LIN54: variants seen among roughly 807,000 people sequenced by gnomAD.
LIN54 encodes the protein protein lin-54 homolog.
In LIN54, 9 loss-of-function variants were observed where a neutral mutation model predicts 78.7. The ratio of observed to expected loss-of-function variants is 0.11; its 90% CI spans 0.07 to 0.20. The LOEUF (loss-of-function observed/expected upper bound fraction) is 0.20, where lower values mean the gene tolerates loss of function less well. LIN54 is among the 10% of genes least tolerant of loss of function. The pLI is 1.00. For missense variants in LIN54, 573 were observed against 889.9 expected, an observed-to-expected ratio of 0.64 and a Z score of 4.53; for synonymous variants, 269 against 318.4, an observed-to-expected ratio of 0.84 and a Z score of 1.65.
intron 4 of LIN54, among the ~76,000 whole-genome samples, chr4:82,955,835 C>T (rs909590023): frequency 7.2e-5 from 11 of 151,780 alleles, no homozygotes; most frequent in African/African-American, 1.9e-4. Flanking sequence ...CATAAAGACA[C>T]ATCTACAGAT....
At position 82,927,481 on chromosome 4, in the gene LIN54, T is replaced by G. The variant is rs1429529152; in HGVS notation, c.*621A>C. On this transcript the variant is annotated 3_prime_UTR_variant, in exon 13 of 13. Transcript: ENST00000340417. ...CCATCCTCTGAGATTTACTGTCCTT[T>G]AATATTTTATATGTTTTTTTAAATA... The G allele has an allele frequency of 2.0e-5, 3 of 152,254 alleles. No individual in the cohort carries two copies. The highest frequency in any genetic ancestry group is 2.0e-4 in the Admixed American group (3 of 15,282). The allele number at this position is 152,254 out of a possible 1,614,324, so 9.4% of individuals were successfully genotyped here. A position where few individuals can be genotyped will look rare whatever the true frequency, so the allele number is the denominator to read the frequency against.
At chr4:82,963,601 T>C (rs1724973975) in intron 4 of LIN54, among the ~76,000 whole-genome samples, 2 of 152,272 alleles carry the variant, frequency 1.3e-5, no homozygotes, top group South Asian at 4.1e-4. Context: ...ATTGTAAGTT[T>C]CTTACCCTAC....
chr4:82,978,954 A>C lies in LIN54; in HGVS notation c.737T>G (p.Ile246Ser). The C allele has an allele frequency of 6.3e-7, 1 of 1,595,938 alleles. No homozygotes were observed. Among genetic ancestry groups the C allele is most frequent in the Non-Finnish European group, 8.6e-7 (1 of 1,167,010 alleles). ...TTTACTATTAATTGGTTTTGCAAAG[A>C]TCAGCTTCGTGATTACTGGACCAGA... ...PTSGPVITKL[I>S]FAKPINSKAV... is the part of the protein sequence containing the mutation. Residue 246 changes from isoleucine (I) to serine (S), a missense_variant, in exon 3 of 13, where the codon ATC (isoleucine) becomes AGC (serine). Around this residue, in one of 6 missense-constraint regions of LIN54, gnomAD observed 199 missense variants for 260.9 expected, o/e 0.76. Transcript: ENST00000340417.
chr4:82,960,818 T>C (rs1340171590), intron 4 of LIN54, among the ~76,000 whole-genome samples: 6 of 152,152 alleles, frequency 3.9e-5, no homozygotes, highest in African/African-American at 1.4e-4. Flanking sequence ...CCAGCACTTT[T>C]GGGAGGCTGA....
rs367736764 is a variant in LIN54 at position 82,998,004 on chromosome 4, A to ATAATAATTATATATATAT, written c.-33+12479_-33+12480insATATATATATAATTATTA. Among the ~76,000 whole-genome samples the ATAATAATTATATATATAT allele has an allele frequency of 1.5e-3, 165 of 107,648 alleles. 1 individual carries two copies. The highest frequency in any genetic ancestry group is 2.2e-3 in the Non-Finnish European group (125 of 57,350). The allele number at this position is 107,648 out of a possible 152,430, so 70.6% of individuals were successfully genotyped here. On this transcript the variant is annotated intron_variant, in intron 1 of 12. Transcript: ENST00000340417. ...AGTGAAACTCCATCTCAAAAAAAAA[A>ATAATAATTATATATATAT]AATAATAATATATATATAATAATAT...
Position 83,008,440 on chromosome 4 carries a change from G to A in LIN54, c.-33+2044C>T, listed in dbSNP as rs112284876. Among the ~76,000 whole-genome samples, 519 of 152,308 alleles carry A rather than the reference G, an allele frequency of 3.4e-3. 2 individuals are homozygous for A. The highest frequency in any genetic ancestry group is 5.0e-3 in the Non-Finnish European group (340 of 68,024). ...CCGAGGTGGGTGGATCACGAGGTCAGGAGATGGAGACCTTCCTGGCTAACA... is the reference window on the plus strand; with the variant it reads ...CCGAGGTGGGTGGATCACGAGGTCAAGAGATGGAGACCTTCCTGGCTAACA... On this transcript the variant is annotated intron_variant, in intron 1 of 12. Transcript: ENST00000340417.
At chr4:82,970,997 C>A (rs546026194) in intron 3 of LIN54, among the ~76,000 whole-genome samples, 42 of 152,158 alleles carry the variant, frequency 2.8e-4, no homozygotes, top group Non-Finnish European at 6.0e-4. Flanking sequence ...TTTCTACCCA[C>A]CCCGGCCAGA....
At chr4:82,951,363 T>C (rs1723832038) in intron 4 of LIN54, among the ~76,000 whole-genome samples, 1 of 152,158 alleles carries the variant, frequency 6.6e-6, no homozygotes, top group African/African-American at 2.4e-5. Context: ...TAGCTATGAG[T>C]TATAGCGACA....
chr4:82,927,924 G>C lies in LIN54; in HGVS notation c.*178C>G, dbSNP rs1159176957. The C allele has an allele frequency of 1.7e-6, 1 of 590,048 alleles. No individual in the cohort carries two copies. Among genetic ancestry groups the C allele is most frequent in the Non-Finnish European group, 3.0e-6 (1 of 333,420 alleles). The allele number at this position is 590,048 out of a possible 1,614,324, so 36.6% of individuals were successfully genotyped here. A position where few individuals can be genotyped will look rare whatever the true frequency, so the allele number is the denominator to read the frequency against. ...AAGGGGCATAAGCAGATTTAACTAA[G>C]ATTTAAAATGTACTAATTTCCTCAT... On this transcript the variant is annotated 3_prime_UTR_variant, in exon 13 of 13. Coordinates refer to ENST00000340417, the MANE Select transcript of LIN54 (RefSeq NM_194282.4).
intron 11 of LIN54, among the ~76,000 whole-genome samples, chr4:82,932,418 T>C (rs1319108291): frequency 6.6e-6 from 1 of 151,334 alleles, no homozygotes; most frequent in Non-Finnish European, 1.5e-5. Flanking sequence ...TTTTAAGAGA[T>C]GTAGCCAGAT....
chr4:82,973,943 GCTCAT>G (rs1725899299), intron 3 of LIN54, among the ~76,000 whole-genome samples: 1 of 152,184 alleles, frequency 6.6e-6, no homozygotes, highest in Non-Finnish European at 1.5e-5. Flanking sequence ...GGGCACAGTG[GCTCAT>G]GCCTGTAATC....
intron 7 of LIN54, 117 bp from the exon 8 acceptor site, chr4:82,938,621 GA>G (rs1722595878): frequency 1.6e-6 from 1 of 629,808 alleles, no homozygotes; most frequent in African/African-American, 1.8e-5. Context: ...ACACAATGGA[GA>G]ATATCACACA....
At chr4:83,007,406 G>T (rs1021732390) in intron 1 of LIN54, among the ~76,000 whole-genome samples, 1 of 152,140 alleles carries the variant, frequency 6.6e-6, no homozygotes, top group Admixed American at 6.5e-5. Context: ...GAAAAGACCT[G>T]TTTCCAAATC....
chr4:82,936,442 T>C, intron 9 of LIN54, 61 bp from the exon 10 acceptor site: 1 of 804,444 alleles, frequency 1.2e-6, no homozygotes, highest in Non-Finnish European at 2.0e-6. Context: ...AATTATCTGA[T>C]TATGCATACA....
In LIN54 at chr4:82,974,438, C is replaced by CA. The variant is rs201380390; in HGVS notation, c.809-3970dup. 2.6e-4 allele frequency among the ~76,000 whole-genome samples: 39 copies of CA among 150,338 alleles called. No individual in the cohort carries two copies. In the East Asian group the frequency reaches 6.9e-3, roughly 26 times the overall value. The stretch of plus-strand genomic sequence containing the variant: ...ATTATGCTAAGTGAAATAAGCCAAT[C>CA]AAAAAAAAAGGGCAATGGCTGGGCG... On this transcript the variant is annotated intron_variant, in intron 3 of 12. Coordinates refer to ENST00000340417, the MANE Select transcript of LIN54 (RefSeq NM_194282.4).
chr4:82,946,224 C>T (rs1163138838), intron 5 of LIN54, 34 bp downstream of exon 5: 5 of 1,503,612 alleles, frequency 3.3e-6, no homozygotes, highest in Non-Finnish European at 4.6e-6. Flanking sequence ...ATGTTAAAAG[C>T]ATGAATTACT....
At chr4:82,987,513 C>CG (rs1450664344) in intron 1 of LIN54, among the ~76,000 whole-genome samples, 1 of 152,092 alleles carries the variant, frequency 6.6e-6, no homozygotes, top group Non-Finnish European at 1.5e-5. Context: ...GACCCCACCT[C>CG]TAAGTTCCCT....
At chr4:82,957,384 A>G (rs1724415724) in intron 4 of LIN54, among the ~76,000 whole-genome samples, 1 of 150,804 alleles carries the variant, frequency 6.6e-6, no homozygotes, top group African/African-American at 2.4e-5. Flanking sequence ...TGCAAACTTT[A>G]CTTTCATGTT....
intron 11 of LIN54, among the ~76,000 whole-genome samples, chr4:82,935,528 T>G (rs1226844759): frequency 6.6e-6 from 1 of 152,006 alleles, no homozygotes; most frequent in East Asian, 1.9e-4. Context: ...CCTCAAGTGA[T>G]CTGCCCGCCT....
Sources: allele counts gnomAD v4.1 joint callset (sites outside exome capture counted in the v4.1 genomes callset), GRCh38; gene constraint gnomAD v4.1.1; regional missense constraint gnomAD v4.1.1; transcripts MANE v1.5; gene names NCBI Gene and HGNC (gene_info 2026-07-23, HGNC 2026-07-21).